Variants in ATE1 observed in about 807,000 individuals in gnomAD.
ATE1 encodes the protein arginyl-tRNA--protein transferase 1.
ATE1 carries 36 observed loss-of-function variants against 70.5 expected under a neutral mutation model. The ratio of observed to expected loss-of-function variants is 0.51; its 90% CI spans 0.39 to 0.67. The LOEUF (loss-of-function observed/expected upper bound fraction) is 0.67. Among genes scored for constraint, ATE1 ranks in the 30% least tolerant of loss-of-function variants. ATE1 has a pLI of 0.00. For synonymous variants in ATE1, 232 were observed against 219.3 expected (o/e 1.06, Z -0.51); for missense variants, 593 against 629.5 (o/e 0.94, Z 0.62).
chr10:121,827,343 G>T (rs988068395), intron 10 of ATE1, among the ~76,000 whole-genome samples: 4 of 152,132 alleles, frequency 2.6e-5, no homozygotes, highest in African/African-American at 4.8e-5. Flanking sequence ...ACAGAGGAGA[G>T]AAAATTCTTT....
chr10:121,871,550 A>T (rs1216932977), intron 7 of ATE1, among the ~76,000 whole-genome samples: 1 of 152,214 alleles, frequency 6.6e-6, no homozygotes, highest in African/African-American at 2.4e-5. Flanking sequence ...GATTCTATCT[A>T]CTTTGTAAAT....
intron 7 of ATE1, among the ~76,000 whole-genome samples, chr10:121,886,333 T>C (rs1421134518): frequency 1.3e-5 from 2 of 151,168 alleles, no homozygotes. Flanking sequence ...AGGGCTACTG[T>C]CTGTGTGGAG....
At chr10:121,783,656 T>C (rs1241443598) in intron 11 of ATE1, among the ~76,000 whole-genome samples, 15 of 152,188 alleles carry the variant, frequency 9.9e-5, no homozygotes, top group Admixed American at 9.8e-4. Flanking sequence ...TATTTTTTAA[T>C]TGGCATTTTG....
chr10:121,746,200 G>A lies in ATE1; in HGVS notation c.1379-2342C>T, dbSNP rs117969116. ...TCCATCTTTCTTCATAGCACTTACC[G>A]CCACCTGACACATATATTTACTGCC... is the stretch of plus-strand genomic sequence containing the variant. On this transcript the variant is annotated intron_variant, in intron 11 of 11. Coordinates refer to ENST00000224652, the MANE Select transcript of ATE1 (RefSeq NM_001001976.3). Among the ~76,000 whole-genome samples the A allele has an allele frequency of 2.9e-3, 441 of 152,110 alleles. 2 individuals are homozygous for A. The highest frequency in any genetic ancestry group is 0.014 in the Middle Eastern group (4 of 294).
chr10:121,838,319 C>T (rs1270932283), intron 9 of ATE1, among the ~76,000 whole-genome samples: 3 of 151,826 alleles, frequency 2.0e-5, no homozygotes, highest in Non-Finnish European at 4.4e-5. Context: ...TCACCAACTC[C>T]ACCTGCCTCC....
At position 121,899,891 on chromosome 10, in the gene ATE1, G is replaced by T; in HGVS notation, c.917C>A (p.Pro306Gln). The T allele has an allele frequency of 6.2e-7, 1 of 1,612,578 alleles. No homozygotes were observed. Among genetic ancestry groups the T allele is most frequent in the Non-Finnish European group, 8.5e-7 (1 of 1,179,024 alleles). ...KRYQMVIHKN[P>Q]PDTPTESQFT... is the part of the protein sequence containing the mutation. Reference sequence around the variant, plus strand: ...CTGGCTTTCGGTTGGCGTATCAGGTGGGTTCTTGTGAATAACCATCTGGTA... The same window carrying T: ...CTGGCTTTCGGTTGGCGTATCAGGTTGGTTCTTGTGAATAACCATCTGGTA... Residue 306 changes from proline (P) to glutamine (Q), a missense_variant, in exon 7 of 12, where the codon CCA becomes CAA. Transcript: ENST00000224652.
intron 11 of ATE1, among the ~76,000 whole-genome samples, chr10:121,758,275 G>C (rs1023720702): frequency 6.6e-6 from 1 of 152,128 alleles, no homozygotes; most frequent in African/African-American, 2.4e-5. Flanking sequence ...AAGCTATTAA[G>C]CTATTACCAT....
chr10:121,862,379 C>T (rs1334963540), intron 8 of ATE1, among the ~76,000 whole-genome samples: 1 of 151,886 alleles, frequency 6.6e-6, no homozygotes, highest in Non-Finnish European at 1.5e-5. Context: ...TGGTTAGGTT[C>T]CTATGGTTCT....
intron 9 of ATE1, among the ~76,000 whole-genome samples, chr10:121,839,250 T>C (rs1948541672): frequency 6.6e-6 from 1 of 152,216 alleles, no homozygotes; most frequent in Non-Finnish European, 1.5e-5. Flanking sequence ...ATAGAACTCT[T>C]GCTAATTTTG....
At chr10:121,891,917 C>T (rs1405474071) in intron 7 of ATE1, among the ~76,000 whole-genome samples, 1 of 152,154 alleles carries the variant, frequency 6.6e-6, no homozygotes. Context: ...TGTACAGAGT[C>T]CCTTAAAGCA....
intron 8 of ATE1, among the ~76,000 whole-genome samples, chr10:121,868,583 G>T (rs1247175277): frequency 6.6e-6 from 1 of 152,158 alleles, no homozygotes; most frequent in Admixed American, 6.6e-5. Flanking sequence ...GCTGTGCTCA[G>T]TGTTTGCCAC....
chr10:121,819,872 G>A (rs1017178278), intron 10 of ATE1, among the ~76,000 whole-genome samples: 5 of 151,486 alleles, frequency 3.3e-5, no homozygotes, highest in East Asian at 3.9e-4. Context: ...CAGGCCGGGC[G>A]TGGTGGCTCA....
chr10:121,758,433 T>TA (rs1944896390), intron 11 of ATE1, among the ~76,000 whole-genome samples: 1 of 152,224 alleles, frequency 6.6e-6, no homozygotes. Context: ...TAGAGACTTC[T>TA]AAAAATACCT....
intron 7 of ATE1, among the ~76,000 whole-genome samples, chr10:121,873,471 T>A (rs1949930162): frequency 6.6e-6 from 1 of 152,126 alleles, no homozygotes; most frequent in East Asian, 1.9e-4. Flanking sequence ...CATAACATAA[T>A]CCTTTCTCAT....
At chr10:121,895,808 A>G (rs1950758406) in intron 7 of ATE1, among the ~76,000 whole-genome samples, 1 of 151,964 alleles carries the variant, frequency 6.6e-6, no homozygotes, top group African/African-American at 2.4e-5. Context: ...AGTCCCAGAT[A>G]CTCAGGTGGC....
intron 9 of ATE1, among the ~76,000 whole-genome samples, chr10:121,840,514 A>C (rs957212245): frequency 7.2e-5 from 11 of 152,232 alleles, no homozygotes; most frequent in African/African-American, 2.6e-4. Context: ...ACAAGAATAT[A>C]AGTCATATAA....
intron 9 of ATE1, among the ~76,000 whole-genome samples, chr10:121,838,294 C>T (rs1449551291): frequency 2.0e-5 from 3 of 151,648 alleles, no homozygotes; most frequent in African/African-American, 4.8e-5. Flanking sequence ...AAGTGCTATT[C>T]CACCTGCGTC....
At chr10:121,823,336 G>T (rs977042485) in intron 10 of ATE1, among the ~76,000 whole-genome samples, 1 of 151,956 alleles carries the variant, frequency 6.6e-6, no homozygotes, top group Non-Finnish European at 1.5e-5. Context: ...ATGAGAAGAG[G>T]TCATGGAAGT....
At chr10:121,790,708 A>G (rs1394181096) in intron 10 of ATE1, among the ~76,000 whole-genome samples, 1 of 152,216 alleles carries the variant, frequency 6.6e-6, no homozygotes, top group African/African-American at 2.4e-5. Context: ...GAATTTCACT[A>G]TCCTTAATGA....
Sources: gnomAD v4.1 joint callset for allele counts (sites outside exome capture counted in the v4.1 genomes callset) on GRCh38, gnomAD v4.1.1 for gene constraint, MANE v1.5 for transcripts, NCBI Gene and HGNC (gene_info 2026-07-23, HGNC 2026-07-21) for gene names.